Variants in LGSN observed in about 807,000 individuals in gnomAD.
LGSN encodes lengsin.
Under a neutral mutation model 19.5 loss-of-function variants are expected in LGSN, and 21 were observed. The observed-to-expected ratio is 1.07, with a 90% CI of 0.76 to 1.55. The LOEUF (loss-of-function observed/expected upper bound fraction) is 1.55. Ranked by LOEUF, LGSN falls within the 40% of genes most tolerant of loss-of-function variation. The probability of loss-of-function intolerance (pLI) is 0.00; values close to 1 mark genes in which losing one functional copy is unlikely to be tolerated. For missense variants in LGSN, 673 were observed against 608.5 expected (o/e 1.11, Z -1.12); for synonymous variants, 257 against 215.6 (o/e 1.19, Z -1.68).
At chr6:63,562,168 T>C in the LGSN span, among the ~76,000 whole-genome samples, 7 of 152,194 alleles carry the variant, frequency 4.6e-5, no homozygotes, top group Non-Finnish European at 1.0e-4. Flanking sequence ...CAATTATTTA[T>C]TTATCTTAAA....
the LGSN span, among the ~76,000 whole-genome samples, chr6:63,550,881 CT>C: frequency 3.3e-5 from 5 of 152,158 alleles, no homozygotes; most frequent in Admixed American, 6.5e-5. Flanking sequence ...CTGCCTCGGC[CT>C]CCCAAAGTGT....
the LGSN span, among the ~76,000 whole-genome samples, chr6:63,528,891 C>A: frequency 6.6e-6 from 1 of 152,018 alleles, no homozygotes; most frequent in African/African-American, 2.4e-5. Context: ...GAGTTCAAGA[C>A]CAGCCTGACT....
the LGSN span, among the ~76,000 whole-genome samples, chr6:63,492,005 G>T: frequency 3.1e-4 from 47 of 151,490 alleles, no homozygotes; most frequent in African/African-American, 1.1e-3. Flanking sequence ...CTCCAGCCTG[G>T]GCAACAAGAG....
chr6:63,373,459 C>T, the LGSN span, among the ~76,000 whole-genome samples: 4 of 152,134 alleles, frequency 2.6e-5, no homozygotes, highest in African/African-American at 9.7e-5. Context: ...GCTTCTCCTC[C>T]ACCACAGAAA....
At chr6:63,557,430 T>A in the LGSN span, among the ~76,000 whole-genome samples, 1 of 151,938 alleles carries the variant, frequency 6.6e-6, no homozygotes, top group Admixed American at 6.6e-5. Flanking sequence ...TCTGGTGTAG[T>A]GTGCGTGCCT....
At chr6:63,376,237 T>C in the LGSN span, among the ~76,000 whole-genome samples, 1 of 152,220 alleles carries the variant, frequency 6.6e-6, no homozygotes, top group South Asian at 2.1e-4. Flanking sequence ...GCTTTCTATT[T>C]CTTTTTTACT....
chr6:63,381,335 CA>C, the LGSN span, among the ~76,000 whole-genome samples: 3 of 152,182 alleles, frequency 2.0e-5, no homozygotes, highest in Admixed American at 2.0e-4. Context: ...AGGGCATCCA[CA>C]GGAAGAAAGT....
the LGSN span, among the ~76,000 whole-genome samples, chr6:63,362,044 C>T: frequency 1.3e-5 from 2 of 152,176 alleles, no homozygotes; most frequent in Non-Finnish European, 2.9e-5. Flanking sequence ...GCAACTTGAT[C>T]TTGTCCCACT....
chr6:63,491,347 G>A, the LGSN span, among the ~76,000 whole-genome samples: 1 of 152,132 alleles, frequency 6.6e-6, no homozygotes, highest in East Asian at 1.9e-4. Context: ...TCAGGGCTGG[G>A]CACTTATGAG....
chr6:63,412,746 A>G, the LGSN span, among the ~76,000 whole-genome samples: 12 of 86,742 alleles, frequency 1.4e-4, no homozygotes, highest in African/African-American at 9.4e-4. Flanking sequence ...AAAGAAAGAA[A>G]GAAAGAAAGA....
At chr6:63,356,012 T>C in the LGSN span, among the ~76,000 whole-genome samples, 1 of 151,844 alleles carries the variant, frequency 6.6e-6, no homozygotes. Flanking sequence ...TATTCCTGTA[T>C]CTGTTCACAT....
intron 1 of LGSN, among the ~76,000 whole-genome samples, chr6:63,305,106 A>G (rs1437024220): frequency 1.3e-5 from 2 of 152,240 alleles, no homozygotes; most frequent in African/African-American, 4.8e-5. Context: ...AATCACAGTG[A>G]AACTTTAAGG....
chr6:63,462,840 C>T, the LGSN span, among the ~76,000 whole-genome samples: 4 of 152,188 alleles, frequency 2.6e-5, no homozygotes, highest in African/African-American at 4.8e-5. Flanking sequence ...TAGGATAAAC[C>T]GGAACAGAAT....
At chr6:63,397,449 GAGA>G in the LGSN span, among the ~76,000 whole-genome samples, 1 of 142,470 alleles carries the variant, frequency 7.0e-6, no homozygotes, top group African/African-American at 2.8e-5. Context: ...GTCGGCTTGG[GAGA>G]AAAAAAAAAA....
chr6:63,305,945 T>C (rs1211124436), intron 1 of LGSN, among the ~76,000 whole-genome samples: 2 of 152,030 alleles, frequency 1.3e-5, no homozygotes, highest in African/African-American at 4.8e-5. Flanking sequence ...TTGGTGTCTG[T>C]AGTCCCAGCT....
chr6:63,428,236 C>G, the LGSN span, among the ~76,000 whole-genome samples: 2 of 152,128 alleles, frequency 1.3e-5, no homozygotes, highest in African/African-American at 4.8e-5. Flanking sequence ...TGCTTGTGTT[C>G]CAGTTTGCAT....
the LGSN span, among the ~76,000 whole-genome samples, chr6:63,371,013 A>G: frequency 6.6e-6 from 1 of 152,202 alleles, no homozygotes; most frequent in African/African-American, 2.4e-5. Flanking sequence ...AAAGAAACAT[A>G]AGACAAACAG....
chr6:63,412,529 G>GGAAGGAAGGAAAGAAA, the LGSN span, among the ~76,000 whole-genome samples: 2 of 32,406 alleles, frequency 6.2e-5, no homozygotes, highest in Middle Eastern at 0.028. Context: ...AAAGAAAGAA[G>GGAAGGAAGGAAAGAAA]GAAAGAAAGA....
chr6:63,531,664 T>A, the LGSN span, among the ~76,000 whole-genome samples: 1 of 152,022 alleles, frequency 6.6e-6, no homozygotes, highest in African/African-American at 2.4e-5. Context: ...CAATATTTCA[T>A]ACTTTTTTGT....
Sources: gnomAD v4.1 joint callset for allele counts (sites outside exome capture counted in the v4.1 genomes callset) on GRCh38, gnomAD v4.1.1 for gene constraint, MANE v1.5 for transcripts, NCBI Gene and HGNC (gene_info 2026-07-23, HGNC 2026-07-21) for gene names.